Variants in FAM178B observed in about 807,000 individuals in gnomAD.
FAM178B encodes the protein family with sequence similarity 178 member B.
A neutral mutation model predicts 91.7 loss-of-function variants in FAM178B; 82 were observed. That is an observed-to-expected ratio of 0.89 (90% CI 0.75 to 1.07). The LOEUF is 1.07. FAM178B is among the 50% of genes least tolerant of loss of function. The pLI is 0.00. For synonymous variants in FAM178B, 368 were observed against 359.4 expected, an observed-to-expected ratio of 1.02 and a Z score of -0.27; for missense variants, 769 against 846.7, an observed-to-expected ratio of 0.91 and a Z score of 1.14.
intron 14 of FAM178B, among the ~76,000 whole-genome samples, chr2:96,891,161 C>T (rs1490673011): frequency 6.6e-6 from 1 of 152,228 alleles, no homozygotes; most frequent in Non-Finnish European, 1.5e-5. Flanking sequence ...CAGTTCCTGA[C>T]CCCCATGCAC....
intron 8 of FAM178B, among the ~76,000 whole-genome samples, chr2:96,939,961 T>G (rs934904369): frequency 1.3e-5 from 2 of 152,190 alleles, no homozygotes; most frequent in African/African-American, 4.8e-5. Flanking sequence ...CAGAGATCAA[T>G]TATGACGCTG....
chr2:96,912,030 T>A (rs1236101278), intron 12 of FAM178B, among the ~76,000 whole-genome samples: 1 of 152,056 alleles, frequency 6.6e-6, no homozygotes, highest in African/African-American at 2.4e-5. Flanking sequence ...CAGGCTGGCT[T>A]CCCCAGAAAG....
chr2:96,974,013 A>C (rs1300444901), intron 1 of FAM178B, among the ~76,000 whole-genome samples: 1 of 151,914 alleles, frequency 6.6e-6, no homozygotes, highest in Non-Finnish European at 1.5e-5. Flanking sequence ...AAAATACATA[A>C]ATAAATAATA....
At chr2:96,892,676 C>G (rs1334304737) in intron 14 of FAM178B, among the ~76,000 whole-genome samples, 1 of 152,160 alleles carries the variant, frequency 6.6e-6, no homozygotes, top group Non-Finnish European at 1.5e-5. Flanking sequence ...GGACTGGCCC[C>G]CAAGGTGCCT....
At position 96,921,551 on chromosome 2, in the gene FAM178B, C is replaced by CGGAG. The variant is rs1559073874; in HGVS notation, c.1387_1390dup (p.Arg464ProfsTer8). ...CTGGAGGTCAACTTTGGGCAGCAGG[C>CGGAG]GGAGCCCCACGTCCAGGCTGGTGCG... On this transcript the variant is annotated frameshift_variant, in exon 11 of 17. Coordinates refer to ENST00000490605, the MANE Select transcript of FAM178B (RefSeq NM_001122646.3). LOFTEE classifies it high-confidence loss of function. 4 of 1,551,694 alleles carry CGGAG rather than the reference C, an allele frequency of 2.6e-6. No homozygotes were observed. The Admixed American group carries it at 7.8e-5, about 30-fold the overall frequency.
At position 96,921,547 on chromosome 2, in the gene FAM178B, C is replaced by A; in HGVS notation, c.1395G>T (p.Leu465=). The A allele has an allele frequency of 1.3e-6, 2 of 1,551,714 alleles. No individual in the cohort carries two copies. The highest frequency in any genetic ancestry group is 1.7e-6 in the Non-Finnish European group (2 of 1,146,998). Residue 465 remains leucine (L), a synonymous_variant, in exon 11 of 17, where the codon CTG becomes CTT. Transcript: ENST00000490605. ...CRTSLDVGLR[L]LPKVDLQQLL... is the part of the protein sequence containing the mutation. ...GCTGCTGGAGGTCAACTTTGGGCAG[C>A]AGGCGGAGCCCCACGTCCAGGCTGG... is the stretch of plus-strand genomic sequence containing the variant.
Position 96,893,930 on chromosome 2 carries a change from T to C in FAM178B, c.1772A>G (p.His591Arg), listed in dbSNP as rs1020941196. 5.0e-6 allele frequency: 8 copies of C among 1,611,836 alleles called. No homozygotes were observed. Among genetic ancestry groups the C allele is most frequent in the Non-Finnish European group, 6.8e-6 (8 of 1,179,150 alleles). ...QQPKASAELD[H>R]KACYLCHSLL... The stretch of plus-strand genomic sequence containing the variant: ...GGGTGCTGGGTGCTCACTCACCTTG[T>C]GGTCTAGCTCGGCACTAGCCTTTGG... The change falls in exon 14 of 17, where the codon CAC (histidine) becomes CGC (arginine). Residue 591 changes from histidine to arginine, a missense_variant. Physicochemically the swap from His to Arg is conservative, Grantham distance 29. Transcript: ENST00000490605.
At chr2:96,973,987 A>T (rs1433535685) in intron 1 of FAM178B, among the ~76,000 whole-genome samples, 2 of 152,088 alleles carry the variant, frequency 1.3e-5, no homozygotes, top group African/African-American at 4.8e-5. Flanking sequence ...TGAGCAACAG[A>T]GTGAGACTCT....
intron 14 of FAM178B, among the ~76,000 whole-genome samples, chr2:96,888,083 G>A (rs1300547500): frequency 1.3e-5 from 2 of 152,258 alleles, no homozygotes; most frequent in African/African-American, 4.8e-5. Context: ...GCCTGGCTTT[G>A]GGATGCCCAG....
intron 5 of FAM178B, among the ~76,000 whole-genome samples, chr2:96,967,294 T>C (rs918781555): frequency 6.6e-6 from 1 of 152,216 alleles, no homozygotes; most frequent in African/African-American, 2.4e-5. Context: ...TGTTTTATGA[T>C]CCCTGTGTGG....
At chr2:96,929,392 G>A in intron 8 of FAM178B, 72 bp from the exon 9 acceptor site, 1 of 1,100,688 alleles carries the variant, frequency 9.1e-7, no homozygotes, top group South Asian at 1.4e-5. Flanking sequence ...CCACTGAAGG[G>A]GCTGGCCGTG....
At position 96,973,673 on chromosome 2, in the gene FAM178B, C is replaced by G. The variant is rs1046993759; in HGVS notation, c.74-1067G>C. On this transcript the variant is annotated intron_variant, in intron 1 of 16. Transcript: ENST00000490605. ...GAAATTCAAATCAACATGACTATGACACATGGTCAATAAATAATCAAAACA... is the reference window on the plus strand; with the variant it reads ...GAAATTCAAATCAACATGACTATGAGACATGGTCAATAAATAATCAAAACA... 3.9e-5 allele frequency among the ~76,000 whole-genome samples: 6 copies of G among 152,190 alleles called. 1 individual carries two copies. Among genetic ancestry groups the G allele is most frequent in the Non-Finnish European group, 8.8e-5 (6 of 68,028 alleles).
intron 7 of FAM178B, chr2:96,950,247 G>C: frequency 1.2e-6 from 1 of 869,140 alleles, no homozygotes; most frequent in Non-Finnish European, 1.4e-6. Flanking sequence ...CAAGGAGCAG[G>C]GGCTGCACCG....
chr2:96,904,864 A>G (rs1164400523), intron 12 of FAM178B, among the ~76,000 whole-genome samples: 2 of 151,984 alleles, frequency 1.3e-5, no homozygotes, highest in Non-Finnish European at 2.9e-5. Context: ...CCCGGGTTTA[A>G]GCGATTCTCC....
At chr2:96,885,460 G>A (rs571143431) in intron 14 of FAM178B, among the ~76,000 whole-genome samples, 1 of 152,244 alleles carries the variant, frequency 6.6e-6, no homozygotes, top group South Asian at 2.1e-4. Context: ...AGCAGCCCTG[G>A]CTCCTGCTCG....
intron 8 of FAM178B, among the ~76,000 whole-genome samples, chr2:96,939,600 T>C (rs1360453756): frequency 6.6e-6 from 1 of 152,010 alleles, no homozygotes; most frequent in African/African-American, 2.4e-5. Context: ...GGCTGGCACA[T>C]GCAAAGGCCC....
At chr2:96,922,256 C>T (rs1447402311) in intron 10 of FAM178B, among the ~76,000 whole-genome samples, 2 of 152,222 alleles carry the variant, frequency 1.3e-5, no homozygotes, top group Non-Finnish European at 2.9e-5. Context: ...AACTCATAAT[C>T]CACCTCTTAC....
chr2:96,915,631 C>T (rs563831428), intron 12 of FAM178B, among the ~76,000 whole-genome samples: 5 of 151,750 alleles, frequency 3.3e-5, no homozygotes, highest in Middle Eastern at 3.4e-3. Flanking sequence ...GCCTGCCCAA[C>T]ATGGAGAAAC....
At chr2:96,981,370 T>C (rs1212923219) in intron 1 of FAM178B, among the ~76,000 whole-genome samples, 3 of 152,208 alleles carry the variant, frequency 2.0e-5, no homozygotes, top group Non-Finnish European at 4.4e-5. Flanking sequence ...ATCATGCTTA[T>C]GAACCACAAA....
Sources: gnomAD v4.1 joint callset for allele counts (sites outside exome capture counted in the v4.1 genomes callset) on GRCh38, gnomAD v4.1.1 for gene constraint, MANE v1.5 for transcripts, NCBI Gene and HGNC (gene_info 2026-07-23, HGNC 2026-07-21) for gene names.